Variants in KY observed in about 807,000 individuals in gnomAD.
KY encodes the protein kyphoscoliosis peptidase.
In KY, 43 loss-of-function variants were observed where a neutral mutation model predicts 76.1. The observed-to-expected ratio is 0.57, with a 90% CI of 0.44 to 0.73. KY has a LOEUF of 0.73. Ranked by LOEUF, KY falls within the 30% of genes least tolerant of loss-of-function variation. The pLI, the probability that KY is intolerant of heterozygous loss-of-function variation, is 0.00. For missense variants in KY, 722 were observed against 828.9 expected, an observed-to-expected ratio of 0.87 and a Z score of 1.58; for synonymous variants, 277 against 326.2, an observed-to-expected ratio of 0.85 and a Z score of 1.63.
intron 9 of KY, 25 bp from the exon 10 acceptor site, chr3:134,608,864 C>A: frequency 6.3e-7 from 1 of 1,588,938 alleles, no homozygotes. Flanking sequence ...AGCTGGTTAG[C>A]AGCCAGCTCC....
At chr3:134,605,618 C>G (rs1056206469) in intron 10 of KY, among the ~76,000 whole-genome samples, 8 of 152,150 alleles carry the variant, frequency 5.3e-5, no homozygotes, top group Non-Finnish European at 1.0e-4. Context: ...AAAGCTGTCC[C>G]AACCCTGTCA....
intron 8 of KY, among the ~76,000 whole-genome samples, chr3:134,612,116 A>G (rs1262074850): frequency 1.3e-5 from 2 of 152,140 alleles, no homozygotes; most frequent in African/African-American, 4.8e-5. Context: ...GAGGTTCCTT[A>G]GGGGCTTGGA....
At chr3:134,606,646 T>G (rs913889759) in intron 10 of KY, among the ~76,000 whole-genome samples, 8 of 152,200 alleles carry the variant, frequency 5.3e-5, no homozygotes, top group African/African-American at 1.9e-4. Context: ...GGCTCTGTGG[T>G]GAAGGGGCTA....
chr3:134,608,470 C>T, intron 10 of KY, 179 bp downstream of exon 10: 1 of 1,531,176 alleles, frequency 6.5e-7, no homozygotes, highest in Non-Finnish European at 8.8e-7. Context: ...GCCCTGATGG[C>T]CTGGGCTGCC....
intron 9 of KY, 128 bp from the exon 10 acceptor site, chr3:134,608,967 C>T: frequency 9.6e-7 from 1 of 1,042,396 alleles, no homozygotes; most frequent in Non-Finnish European, 1.4e-6. Context: ...CTAACATGGG[C>T]ACTGGAGACT....
Position 134,645,789 on chromosome 3 carries a change from G to A in KY, c.199+1646C>T, listed in dbSNP as rs1223306164. Among the ~76,000 whole-genome samples, 10 of 152,236 alleles carry A rather than the reference G, an allele frequency of 6.6e-5. No individual in the cohort carries two copies. The East Asian group carries it at 1.7e-3, about 26-fold the overall frequency. On this transcript the variant is annotated intron_variant, in intron 2 of 10. Coordinates refer to ENST00000423778, the MANE Select transcript of KY (RefSeq NM_178554.6). ...CATCTTCTATCAGCTGACACATAGT[G>A]CTAAGACCCACTTCATGTCTTTTAC... is the stretch of plus-strand genomic sequence containing the variant.
chr3:134,604,089 G>A lies in KY; in HGVS notation c.1476C>T (p.Val492=), dbSNP rs752329644. The change falls in exon 11 of 11, where the codon GTC becomes GTT. Residue 492 remains valine, a synonymous_variant. Transcript: ENST00000423778. ...ISFSVEEGIN[V]LASLHGDDGP... The stretch of plus-strand genomic sequence containing the variant: ...CATCATCCCCGTGGAGGGAAGCCAG[G>A]ACATTAATGCCCTCCTCCACGCTGA... 6.2e-7 allele frequency: 1 copy of A among 1,613,330 alleles called. No individual in the cohort carries two copies. Among genetic ancestry groups the A allele is most frequent in the Non-Finnish European group, 8.5e-7 (1 of 1,179,530 alleles).
intron 3 of KY, among the ~76,000 whole-genome samples, chr3:134,639,322 A>C (rs556138268): frequency 6.6e-6 from 1 of 152,238 alleles, no homozygotes; most frequent in South Asian, 2.1e-4. Flanking sequence ...ACTGCCAAAC[A>C]CAGCATGAAA....
chr3:134,617,096 G>A (rs754583913), intron 8 of KY, among the ~76,000 whole-genome samples: 3 of 152,124 alleles, frequency 2.0e-5, no homozygotes, highest in Non-Finnish European at 4.4e-5. Context: ...TCAAGGAGGC[G>A]ATACCACTCT....
At chr3:134,650,213 G>A (rs1482573677) in intron 1 of KY, among the ~76,000 whole-genome samples, 1 of 152,216 alleles carries the variant, frequency 6.6e-6, no homozygotes, top group African/African-American at 2.4e-5. Flanking sequence ...TGTAGGACAA[G>A]TAAAATTGAT....
intron 1 of KY, among the ~76,000 whole-genome samples, 173 bp downstream of exon 1, chr3:134,650,652 G>T (rs1412812058): frequency 6.6e-6 from 1 of 152,186 alleles, no homozygotes; most frequent in African/African-American, 2.4e-5. Flanking sequence ...GGGACTGCGC[G>T]TTGCCACGGG....
At chr3:134,632,592 G>T (rs1380773863) in intron 3 of KY, among the ~76,000 whole-genome samples, 1 of 151,960 alleles carries the variant, frequency 6.6e-6, no homozygotes. Context: ...AAATGTGTGA[G>T]ATGAAGCCAA....
chr3:134,649,942 G>A (rs1966845218), intron 1 of KY, among the ~76,000 whole-genome samples: 2 of 152,198 alleles, frequency 1.3e-5, no homozygotes, highest in Admixed American at 6.5e-5. Flanking sequence ...GGGCTGTCAG[G>A]CCTAACTCCT....
chr3:134,620,623 T>C (rs993048325), intron 7 of KY, 126 bp downstream of exon 7: 2 of 671,492 alleles, frequency 3.0e-6, no homozygotes, highest in African/African-American at 1.8e-5. Context: ...ATCAGTCCAG[T>C]CTTCTGGGTC....
intron 2 of KY, among the ~76,000 whole-genome samples, chr3:134,646,422 T>C (rs1359467263): frequency 2.0e-5 from 3 of 152,158 alleles, no homozygotes; most frequent in East Asian, 3.8e-4. Flanking sequence ...TCCCCTGCAG[T>C]GCATTATAAT....
At position 134,617,762 on chromosome 3, in the gene KY, G is replaced by A. The variant is rs570997503; in HGVS notation, c.710+1386C>T. ...GGAAGGTTGTGGGCTGTCCTGGAGC[G>A]GGGCCTGGAAGGAGCTCTGGGGAGA... On this transcript the variant is annotated intron_variant, in intron 8 of 10. Coordinates refer to ENST00000423778, the MANE Select transcript of KY (RefSeq NM_178554.6). Among the ~76,000 whole-genome samples the A allele has an allele frequency of 1.3e-4, 20 of 152,320 alleles. No individual in the cohort carries two copies. The South Asian group carries it at 2.1e-3, about 16-fold the overall frequency.
intron 3 of KY, among the ~76,000 whole-genome samples, chr3:134,636,589 C>T (rs79126456): frequency 0.026 from 3,952 of 152,318 alleles, 76 homozygotes; most frequent in South Asian, 0.053. Context: ...CCAGCCAACC[C>T]ACCAGCTGAC....
rs1266098994 is a variant in KY, at chr3:134,610,358, C to T, written c.736G>A (p.Val246Met). ...CRLAGVQCMT[V>M]PGYSKGFGYQ... The stretch of plus-strand genomic sequence containing the variant: ...CCGAAACCCTTGGAGTAGCCAGGCA[C>T]GGTCATACACTGCACTCCGGCGAGC... Residue 246 changes from valine (V) to methionine (M), a missense_variant, in exon 9 of 11, where the codon GTG (valine) becomes ATG (methionine). This residue lies in a region of KY where 552 missense variants were observed against 680.9 expected (regional missense o/e 0.81). Coordinates refer to ENST00000423778, the MANE Select transcript of KY (RefSeq NM_178554.6). 11 of 1,612,782 alleles carry T rather than the reference C, an allele frequency of 6.8e-6. No individual in the cohort carries two copies. The highest frequency in any genetic ancestry group is 2.2e-5 in the East Asian group (1 of 44,838).
At chr3:134,607,155 T>C in intron 10 of KY, 1 of 985,492 alleles carries the variant, frequency 1.0e-6, no homozygotes, top group Non-Finnish European at 1.2e-6. Context: ...TTCCACGGCC[T>C]ATGATACATT....
Sources: allele counts gnomAD v4.1 joint callset (sites outside exome capture counted in the v4.1 genomes callset), GRCh38; gene constraint gnomAD v4.1.1; regional missense constraint gnomAD v4.1.1; transcripts MANE v1.5; gene names NCBI Gene and HGNC (gene_info 2026-07-23, HGNC 2026-07-21).